The following C7orf33 variants were observed in gnomAD, a reference collection of about 807,000 sequenced individuals.
C7orf33 encodes chromosome 7 open reading frame 33, also known as uncharacterized protein C7orf33.
Under a neutral mutation model 13.4 loss-of-function variants are expected in C7orf33, and 15 were observed. The ratio of observed to expected loss-of-function variants is 1.12; its 90% CI spans 0.75 to 1.72. C7orf33 has a LOEUF of 1.72. Ranked by LOEUF, C7orf33 falls within the 40% of genes most tolerant of loss-of-function variation. The pLI is 0.00. For synonymous variants in C7orf33, 73 were observed against 83.2 expected (o/e 0.88, Z 0.67); for missense variants, 187 against 220.3 (o/e 0.85, Z 0.96).
chr7:148,591,994 G>A (rs1160709092), intron 1 of C7orf33, among the ~76,000 whole-genome samples: 1 of 152,108 alleles, frequency 6.6e-6, no homozygotes, highest in East Asian at 1.9e-4. Context: ...TCCAGCTTTG[G>A]GTGTTCAGTT....
intron 1 of C7orf33, among the ~76,000 whole-genome samples, chr7:148,608,763 G>A (rs1284526600): frequency 6.6e-6 from 1 of 152,132 alleles, no homozygotes; most frequent in African/African-American, 2.4e-5. Context: ...GTTGCAGTGA[G>A]CCACGGTCAC....
Position 148,602,412 on chromosome 7 carries a change from C to T in C7orf33, c.204+11283C>T, listed in dbSNP as rs1796426684. Among the ~76,000 whole-genome samples the T allele has an allele frequency of 2.0e-5, 3 of 152,132 alleles. No individual in the cohort carries two copies. The South Asian group carries it at 6.2e-4, about 32-fold the overall frequency. ...CGGAGTTCAAGACCAGCCTAGCCAA[C>T]ATAGTGAAACCCCATCTCTACTAAA... On this transcript the variant is annotated intron_variant, in intron 1 of 2. Coordinates refer to ENST00000307003, the MANE Select transcript of C7orf33 (RefSeq NM_145304.4).
At chr7:148,602,252 C>G (rs1039711002) in intron 1 of C7orf33, among the ~76,000 whole-genome samples, 1 of 151,518 alleles carries the variant, frequency 6.6e-6, no homozygotes, top group Non-Finnish European at 1.5e-5. Flanking sequence ...CTACAGCAAC[C>G]ATTATATTTA....
chr7:148,595,522 G>GT (rs1563120319), intron 1 of C7orf33, among the ~76,000 whole-genome samples: 1 of 123,484 alleles, frequency 8.1e-6, no homozygotes, highest in East Asian at 2.1e-4. Flanking sequence ...TATAGCTATA[G>GT]TATATATAAT....
chr7:148,609,217 T>C (rs1485939119), intron 1 of C7orf33, among the ~76,000 whole-genome samples: 1 of 152,030 alleles, frequency 6.6e-6, no homozygotes, highest in African/African-American at 2.4e-5. Context: ...TAGCTACTAG[T>C]AAAATGAGAT....
At chr7:148,601,718 TTTTG>T (rs879418029) in intron 1 of C7orf33, among the ~76,000 whole-genome samples, 19 of 152,272 alleles carry the variant, frequency 1.2e-4, no homozygotes, top group South Asian at 6.2e-4. Flanking sequence ...AGAACATATT[TTTTG>T]TTTGTTTGTT....
chr7:148,595,412 CTATATTATATAGATA>C (rs1563120263), intron 1 of C7orf33, among the ~76,000 whole-genome samples: 2 of 106,738 alleles, frequency 1.9e-5, no homozygotes, highest in Non-Finnish European at 3.8e-5. Context: ...TAATATAGAT[CTATATTATATAGATA>C]TATCTATATA....
intron 1 of C7orf33, among the ~76,000 whole-genome samples, chr7:148,606,508 A>C (rs1247988843): frequency 6.6e-6 from 1 of 152,230 alleles, no homozygotes; most frequent in South Asian, 2.1e-4. Flanking sequence ...CAAACAAAAA[A>C]AAATATGCAG....
At chr7:148,600,739 A>G (rs1796402244) in intron 1 of C7orf33, among the ~76,000 whole-genome samples, 2 of 151,410 alleles carry the variant, frequency 1.3e-5, no homozygotes, top group African/African-American at 2.4e-5. Flanking sequence ...TAATCTTTCA[A>G]AGGACCAGCT....
chr7:148,607,442 C>T (rs896560653), intron 1 of C7orf33, among the ~76,000 whole-genome samples: 3 of 152,172 alleles, frequency 2.0e-5, no homozygotes, highest in African/African-American at 4.8e-5. Context: ...TTTGGAGTGG[C>T]ATGTTCTGGA....
intron 1 of C7orf33, among the ~76,000 whole-genome samples, chr7:148,608,865 T>C (rs1796505813): frequency 6.6e-6 from 1 of 152,178 alleles, no homozygotes; most frequent in Non-Finnish European, 1.5e-5. Context: ...TCACTGTGAA[T>C]GTGGCTTGTC....
intron 1 of C7orf33, among the ~76,000 whole-genome samples, chr7:148,606,931 A>C (rs868284045): frequency 5.0e-5 from 1 of 20,160 alleles, no homozygotes; most frequent in African/African-American, 7.7e-5. Flanking sequence ...TTAAAAAAAA[A>C]ATACACACAC....
intron 1 of C7orf33, among the ~76,000 whole-genome samples, chr7:148,595,650 A>AC (rs1212298680): frequency 1.2e-5 from 1 of 81,862 alleles, no homozygotes; most frequent in African/African-American, 1.0e-4. Flanking sequence ...ATATAGATAT[A>AC]ATATAGATCT....
chr7:148,599,469 ATTT>A (rs34816972), intron 1 of C7orf33, among the ~76,000 whole-genome samples: 42 of 122,960 alleles, frequency 3.4e-4, no homozygotes, highest in South Asian at 8.3e-4. Context: ...CAATTCTCAG[ATTT>A]TTTTTTTTTT....
In C7orf33 at chr7:148,614,157, A is replaced by C; in HGVS notation, c.320A>C (p.Gln107Pro). 1 of 1,614,222 alleles carries C rather than the reference A, an allele frequency of 6.2e-7. No individual in the cohort carries two copies. Among genetic ancestry groups the C allele is most frequent in the Non-Finnish European group, 8.5e-7 (1 of 1,180,040 alleles). ...HFLSQGPTDA[Q>P]RAVRIRPGTR... ...CTTTCTCAAGGTCCCACGGATGCCCAGAGAGCAGTCAGAATCAGGCCAGGC... is the reference window on the plus strand; with the variant it reads ...CTTTCTCAAGGTCCCACGGATGCCCCGAGAGCAGTCAGAATCAGGCCAGGC... Residue 107 changes from glutamine (Q) to proline (P), a missense_variant, in exon 2 of 3, where the codon CAG (glutamine) becomes CCG (proline). By Grantham distance (76) the Gln-to-Pro change is moderately conservative. Transcript: ENST00000307003.
chr7:148,599,640 A>G (rs1796390715), intron 1 of C7orf33, among the ~76,000 whole-genome samples: 1 of 151,706 alleles, frequency 6.6e-6, no homozygotes, highest in Non-Finnish European at 1.5e-5. Context: ...ACGTCCTGCT[A>G]ATTTTTGTAT....
chr7:148,596,678 G>C (rs966582601), intron 1 of C7orf33, among the ~76,000 whole-genome samples: 1 of 152,120 alleles, frequency 6.6e-6, no homozygotes, highest in Non-Finnish European at 1.5e-5. Flanking sequence ...TCTCCCACCA[G>C]GTTCCTCCCA....
intron 1 of C7orf33, among the ~76,000 whole-genome samples, chr7:148,595,737 G>A (rs2041075): frequency 0.34 from 42,965 of 127,192 alleles, 10,891 homozygotes; most frequent in African/African-American, 0.72. Flanking sequence ...ATACATCTAT[G>A]TTATATAGAT....
intron 1 of C7orf33, among the ~76,000 whole-genome samples, chr7:148,597,704 C>A (rs1321132469): frequency 6.6e-6 from 1 of 152,086 alleles, no homozygotes; most frequent in Admixed American, 6.6e-5. Flanking sequence ...ATTCTGAATT[C>A]ATTGTGGATC....
Sources: gnomAD v4.1 joint callset for allele counts (sites outside exome capture counted in the v4.1 genomes callset) on GRCh38, gnomAD v4.1.1 for gene constraint, MANE v1.5 for transcripts, NCBI Gene and HGNC (gene_info 2026-07-23, HGNC 2026-07-21) for gene names.